The following SPAG16 variants were observed in gnomAD, a reference collection of about 807,000 sequenced individuals.
SPAG16 encodes the protein sperm-associated antigen 16 protein.
Under a neutral mutation model 80.4 loss-of-function variants are expected in SPAG16, and 86 were observed. The observed-to-expected ratio is 1.07, with a 90% CI of 0.90 to 1.28. The LOEUF (loss-of-function observed/expected upper bound fraction) is 1.28, where lower values mean the gene tolerates loss of function less well. Among genes scored for constraint, SPAG16 ranks in the 50% most tolerant of loss-of-function variants. SPAG16 has a pLI of 0.00. For missense variants in SPAG16, 870 were observed against 765.3 expected (o/e 1.14, Z -1.61); for synonymous variants, 294 against 265.9 (o/e 1.11, Z -1.03).
At chr2:213,395,913 A>G (rs904914567) in intron 9 of SPAG16, among the ~76,000 whole-genome samples, 1 of 152,170 alleles carries the variant, frequency 6.6e-6, no homozygotes, top group African/African-American at 2.4e-5. Flanking sequence ...ACTTTGTTTT[A>G]TTCAGATAAT....
At chr2:213,929,139 G>A (rs936221099) in intron 11 of SPAG16, among the ~76,000 whole-genome samples, 1 of 150,226 alleles carries the variant, frequency 6.7e-6, no homozygotes, top group Admixed American at 6.7e-5. Context: ...TCAGCCTCTC[G>A]AGTAGCTGGG....
chr2:213,849,292 C>T (rs114793158), intron 10 of SPAG16, among the ~76,000 whole-genome samples: 4,232 of 152,146 alleles, frequency 0.028, 84 homozygotes, highest in Middle Eastern at 0.044. Context: ...GAGAATGGCA[C>T]CACGACATCC....
At chr2:213,528,517 T>C (rs921823621) in intron 10 of SPAG16, among the ~76,000 whole-genome samples, 14 of 152,134 alleles carry the variant, frequency 9.2e-5, no homozygotes, top group African/African-American at 3.4e-4. Flanking sequence ...GATTTATTCA[T>C]TTAATTGCCT....
chr2:213,768,706 A>G (rs1394733362), intron 10 of SPAG16, among the ~76,000 whole-genome samples: 1 of 152,226 alleles, frequency 6.6e-6, no homozygotes, highest in Non-Finnish European at 1.5e-5. Context: ...AAATGGAAAT[A>G]TCCAATCACA....
At chr2:213,916,062 T>C (rs1367922850) in intron 11 of SPAG16, among the ~76,000 whole-genome samples, 2 of 152,190 alleles carry the variant, frequency 1.3e-5, no homozygotes, top group Non-Finnish European at 2.9e-5. Flanking sequence ...ATTCTGTAGG[T>C]TGCCTGTTCA....
At chr2:213,708,905 G>A (rs2065867031) in intron 10 of SPAG16, among the ~76,000 whole-genome samples, 1 of 152,172 alleles carries the variant, frequency 6.6e-6, no homozygotes. Flanking sequence ...AACTGGGAAA[G>A]CAGAGTAAGA....
intron 15 of SPAG16, among the ~76,000 whole-genome samples, chr2:214,264,163 A>C (rs1576627964): frequency 6.6e-6 from 1 of 152,274 alleles, no homozygotes; most frequent in Admixed American, 6.5e-5. Flanking sequence ...ATATGCCCTA[A>C]ATCCATACTC....
chr2:213,344,794 G>C (rs575969378), intron 6 of SPAG16, among the ~76,000 whole-genome samples: 1 of 152,098 alleles, frequency 6.6e-6, no homozygotes, highest in Non-Finnish European at 1.5e-5. Flanking sequence ...GGACATTTGG[G>C]TTGGTTCCAA....
Position 213,722,764 on chromosome 2 carries a change from G to A in SPAG16, c.1071-139721G>A, listed in dbSNP as rs1180025558. The stretch of plus-strand genomic sequence containing the variant: ...TTGACTCTGAATTGTCAGTGAAAGT[G>A]GATGACATCACCATCCAAGCAGTTG... On this transcript the variant is annotated intron_variant, in intron 10 of 15. Coordinates refer to ENST00000331683, the MANE Select transcript of SPAG16 (RefSeq NM_024532.5). Among the ~76,000 whole-genome samples, 3 of 152,150 alleles carry A rather than the reference G, an allele frequency of 2.0e-5. No homozygotes were observed. In the South Asian group the frequency reaches 6.2e-4, roughly 32 times the overall value.
At chr2:213,482,934 A>T (rs1364093300) in intron 9 of SPAG16, among the ~76,000 whole-genome samples, 2 of 152,198 alleles carry the variant, frequency 1.3e-5, no homozygotes, top group Admixed American at 1.3e-4. Flanking sequence ...AGTAACATTA[A>T]TTCCTTATAG....
intron 10 of SPAG16, among the ~76,000 whole-genome samples, chr2:213,622,070 T>C (rs373879802): frequency 2.6e-5 from 4 of 152,300 alleles, no homozygotes; most frequent in East Asian, 3.9e-4. Context: ...ATCTCAAACA[T>C]TGTGACTCAA....
chr2:213,587,234 A>AAGC (rs781717687), intron 10 of SPAG16, among the ~76,000 whole-genome samples: 1 of 152,116 alleles, frequency 6.6e-6, no homozygotes, highest in Non-Finnish European at 1.5e-5. Flanking sequence ...ATCTAGATAG[A>AAGC]AGCAGCCACA....
intron 10 of SPAG16, among the ~76,000 whole-genome samples, chr2:213,800,516 C>T (rs892620032): frequency 1.3e-5 from 2 of 152,028 alleles, no homozygotes; most frequent in Non-Finnish European, 1.5e-5. Flanking sequence ...TACACGTGCA[C>T]ACCACCATGC....
chr2:213,853,100 C>G (rs1266231812), intron 10 of SPAG16, among the ~76,000 whole-genome samples: 2 of 152,170 alleles, frequency 1.3e-5, no homozygotes, highest in Non-Finnish European at 2.9e-5. Context: ...ATTTATTTTC[C>G]ACCCACTGTG....
chr2:214,213,112 G>T (rs569286743), intron 15 of SPAG16, among the ~76,000 whole-genome samples: 2 of 152,242 alleles, frequency 1.3e-5, no homozygotes, highest in Non-Finnish European at 2.9e-5. Flanking sequence ...TACCCTTCCA[G>T]ATTTGCAAAT....
intron 7 of SPAG16, among the ~76,000 whole-genome samples, chr2:213,363,194 G>T (rs903601229): frequency 6.6e-6 from 1 of 152,126 alleles, no homozygotes; most frequent in African/African-American, 2.4e-5. Context: ...GGGAAAAAGG[G>T]TATGGGATAA....
rs111727916 is a variant in SPAG16, at chr2:213,798,331, A to G, written c.1071-64154A>G. On this transcript the variant is annotated intron_variant, in intron 10 of 15. Coordinates refer to ENST00000331683, the MANE Select transcript of SPAG16 (RefSeq NM_024532.5). Reference sequence around the variant, plus strand: ...TGCAGTGGCACAATCTTGGCTCACTACAACCTCTGCCTCCCAGGTTCAAGT... The same window carrying G: ...TGCAGTGGCACAATCTTGGCTCACTGCAACCTCTGCCTCCCAGGTTCAAGT... Among the ~76,000 whole-genome samples the G allele has an allele frequency of 3.1e-3, 473 of 152,170 alleles. 5 individuals carry two copies. The highest frequency in any genetic ancestry group is 0.011 in the African/African-American group (448 of 41,512).
chr2:214,236,028 C>T (rs1689053137), intron 15 of SPAG16, among the ~76,000 whole-genome samples: 1 of 152,072 alleles, frequency 6.6e-6, no homozygotes, highest in African/African-American at 2.4e-5. Flanking sequence ...AAATTCTTAC[C>T]TCCTATGAAA....
intron 10 of SPAG16, among the ~76,000 whole-genome samples, chr2:213,741,816 A>G (rs1055543887): frequency 5.3e-5 from 8 of 152,138 alleles, no homozygotes; most frequent in Non-Finnish European, 1.0e-4. Context: ...TGCAATTGTT[A>G]TATCTACCTG....
Sources: gnomAD v4.1 joint callset for allele counts (sites outside exome capture counted in the v4.1 genomes callset) on GRCh38, gnomAD v4.1.1 for gene constraint, MANE v1.5 for transcripts, NCBI Gene and HGNC (gene_info 2026-07-23, HGNC 2026-07-21) for gene names.